NEBL: variants seen among roughly 807,000 people sequenced by gnomAD.
NEBL encodes the protein LIM and SH3 protein 2.
A neutral mutation model predicts 140.2 loss-of-function variants in NEBL; 122 were observed. The ratio of observed to expected loss-of-function variants is 0.87; its 90% CI spans 0.75 to 1.01. The LOEUF is 1.01. NEBL is among the 50% of genes least tolerant of loss of function. The pLI, the probability that NEBL is intolerant of heterozygous loss-of-function variation, is 0.00. For missense variants in NEBL, 1,365 were observed against 1,231.3 expected (o/e 1.11, Z -1.62); for synonymous variants, 436 against 398.9 (o/e 1.09, Z -1.11).
chr10:20,996,061 G>A (rs1394756073), intron 3 of NEBL, among the ~76,000 whole-genome samples: 7 of 152,144 alleles, frequency 4.6e-5, no homozygotes, highest in African/African-American at 7.2e-5. Context: ...AGAGAACAGC[G>A]CGTTCTGGCT....
chr10:20,862,462 A>C (rs1377723248), intron 7 of NEBL, among the ~76,000 whole-genome samples: 1 of 152,210 alleles, frequency 6.6e-6, no homozygotes, highest in African/African-American at 2.4e-5. Flanking sequence ...AAATGAACTA[A>C]GATCACCAAA....
chr10:21,139,435 G>A (rs1457980689), intron 2 of NEBL, among the ~76,000 whole-genome samples: 1 of 152,156 alleles, frequency 6.6e-6, no homozygotes, highest in Non-Finnish European at 1.5e-5. Flanking sequence ...ACTCAAATCA[G>A]AGGAAAGAAG....
At chr10:21,089,744 C>A (rs1455616940) in intron 2 of NEBL, among the ~76,000 whole-genome samples, 1 of 152,076 alleles carries the variant, frequency 6.6e-6, no homozygotes. Flanking sequence ...GAATCTTCTC[C>A]CTTTTCTCCC....
At chr10:21,053,904 G>C (rs142067613) in intron 2 of NEBL, among the ~76,000 whole-genome samples, 1 of 152,012 alleles carries the variant, frequency 6.6e-6, no homozygotes, top group East Asian at 1.9e-4. Flanking sequence ...ATGGTGGTTC[G>C]CACCTGTAAT....
chr10:21,153,311 C>A (rs1417169049), intron 2 of NEBL, among the ~76,000 whole-genome samples: 1 of 151,288 alleles, frequency 6.6e-6, no homozygotes, highest in Non-Finnish European at 1.5e-5. Context: ...GCTGCAAAGG[C>A]CCTTGTATTA....
chr10:20,998,937 A>C (rs989766214), intron 3 of NEBL, among the ~76,000 whole-genome samples: 1 of 152,204 alleles, frequency 6.6e-6, no homozygotes, highest in African/African-American at 2.4e-5. Flanking sequence ...GGGGGCCGCC[A>C]ACAAAACAGG....
chr10:20,784,983 C>G lies in NEBL; in HGVS notation c.*764G>C, dbSNP rs916846967. 1 of 152,630 alleles carries G rather than the reference C, an allele frequency of 6.6e-6. No homozygotes were observed. The highest frequency in any genetic ancestry group is 2.4e-5 in the African/African-American group (1 of 41,438). The allele number at this position is 152,630 out of a possible 1,614,324, so 9.5% of individuals were successfully genotyped here. A position where few individuals can be genotyped will look rare whatever the true frequency, so the allele number is the denominator to read the frequency against. ...AAGCTTGAATCTACATGACATGCAACAGGGTAAATGCTACTAGGGAAATTA... is the reference window on the plus strand; with the variant it reads ...AAGCTTGAATCTACATGACATGCAAGAGGGTAAATGCTACTAGGGAAATTA... On this transcript the variant is annotated 3_prime_UTR_variant, in exon 28 of 28. Transcript: ENST00000377122.
At chr10:21,272,590 T>G (rs1381707140) in intron 1 of NEBL, among the ~76,000 whole-genome samples, 1 of 152,074 alleles carries the variant, frequency 6.6e-6, no homozygotes, top group Non-Finnish European at 1.5e-5. Context: ...CCATGTCAAA[T>G]AAATAAATAC....
intron 4 of NEBL, among the ~76,000 whole-genome samples, chr10:20,887,210 T>C (rs74123532): frequency 0.048 from 6,974 of 145,022 alleles, 455 homozygotes; most frequent in African/African-American, 0.15. Context: ...TCCTAAACCC[T>C]TCTGGATTCA....
At chr10:20,794,404 C>T (rs567937363) in intron 26 of NEBL, among the ~76,000 whole-genome samples, 57 of 152,246 alleles carry the variant, frequency 3.7e-4, no homozygotes, top group African/African-American at 1.3e-3. Flanking sequence ...ATAGTATATA[C>T]TATATCCTGC....
chr10:21,235,839 G>T (rs545102634), intron 3 of NEBL, among the ~76,000 whole-genome samples: 91 of 152,252 alleles, frequency 6.0e-4, no homozygotes, highest in African/African-American at 2.1e-3. Context: ...TTACTACATT[G>T]TGCATCGATT....
At chr10:21,032,662 A>G (rs1833848592) in intron 2 of NEBL, among the ~76,000 whole-genome samples, 1 of 152,166 alleles carries the variant, frequency 6.6e-6, no homozygotes, top group African/African-American at 2.4e-5. Context: ...GATAGATAAC[A>G]TAAAAGCAAA....
At chr10:21,123,265 T>G (rs1284506472) in intron 2 of NEBL, among the ~76,000 whole-genome samples, 2 of 152,242 alleles carry the variant, frequency 1.3e-5, no homozygotes, top group African/African-American at 4.8e-5. Flanking sequence ...CTGTGCTTTT[T>G]GTCATTTTGG....
At chr10:20,989,310 T>G (rs1350563899) in intron 3 of NEBL, among the ~76,000 whole-genome samples, 1 of 152,190 alleles carries the variant, frequency 6.6e-6, no homozygotes, top group East Asian at 1.9e-4. Flanking sequence ...TTTTTGTTTT[T>G]GGAGGAAATG....
intron 2 of NEBL, among the ~76,000 whole-genome samples, chr10:21,063,744 A>G (rs1835402468): frequency 6.6e-6 from 1 of 151,994 alleles, no homozygotes; most frequent in African/African-American, 2.4e-5. Context: ...AAATTTTCAA[A>G]ATGTGGCCCC....
chr10:20,803,919 T>A (rs1837375574), intron 26 of NEBL, among the ~76,000 whole-genome samples: 1 of 150,740 alleles, frequency 6.6e-6, no homozygotes, highest in African/African-American at 2.4e-5. Flanking sequence ...CAAAACATCA[T>A]AAAAATGTAA....
intron 4 of NEBL, among the ~76,000 whole-genome samples, chr10:20,918,923 A>G (rs911781797): frequency 6.6e-6 from 1 of 152,114 alleles, no homozygotes; most frequent in African/African-American, 2.4e-5. Context: ...CCCACTTAAC[A>G]TGATCATAAT....
intron 4 of NEBL, among the ~76,000 whole-genome samples, chr10:20,887,201 C>T (rs1322546241): frequency 6.7e-6 from 1 of 148,920 alleles, no homozygotes; most frequent in Admixed American, 6.7e-5. Context: ...GAAAATTACT[C>T]CTAAACCCTT....
chr10:20,897,007 T>C lies in NEBL; in HGVS notation c.104A>G (p.Glu35Gly). The part of the protein sequence containing the change: ...EDQVFYKPVI[E>G]DLSMELARKC... ...TCTGGCCAATTCCATGCTTAAGTCT[T>C]CAATAACAGGCTTATAGAAGACCTA... The change falls in exon 2 of 28, where the codon GAA (glutamate) becomes GGA (glycine). Residue 35 changes from glutamate to glycine, a missense_variant. Physicochemically the swap from Glu to Gly is moderately conservative, Grantham distance 98. Transcript: ENST00000377122. 6.2e-7 allele frequency: 1 copy of C among 1,613,874 alleles called. No homozygotes were observed. The highest frequency in any genetic ancestry group is 2.2e-5 in the East Asian group (1 of 44,860).
Sources: gnomAD v4.1 joint callset for allele counts (sites outside exome capture counted in the v4.1 genomes callset) on GRCh38, gnomAD v4.1.1 for gene constraint, MANE v1.5 for transcripts, NCBI Gene and HGNC (gene_info 2026-07-23, HGNC 2026-07-21) for gene names.